The following GAPDHS variants were observed in gnomAD, a reference collection of about 807,000 sequenced individuals.
GAPDHS encodes the protein glyceraldehyde-3-phosphate dehydrogenase, spermatogenic.
GAPDHS carries 42 observed loss-of-function variants against 48.7 expected under a neutral mutation model. That is an observed-to-expected ratio of 0.86 (90% CI 0.67 to 1.12). The LOEUF (loss-of-function observed/expected upper bound fraction) is 1.12. Ranked by LOEUF, GAPDHS falls within the 50% of genes most tolerant of loss-of-function variation. The pLI is 0.00. For synonymous variants in GAPDHS, 166 were observed against 219.1 expected (o/e 0.76, Z 2.14); for missense variants, 512 against 557.7 (o/e 0.92, Z 0.82).
chr19:35,534,273 C>T (rs988122477), intron 1 of GAPDHS, among the ~76,000 whole-genome samples: 3 of 151,812 alleles, frequency 2.0e-5, no homozygotes, highest in African/African-American at 7.2e-5. Context: ...CATTCCCACA[C>T]TGTTCCCTCA....
intron 4 of GAPDHS, among the ~76,000 whole-genome samples, chr19:35,540,195 G>A (rs1424551405): frequency 7.2e-5 from 11 of 152,360 alleles, no homozygotes; most frequent in South Asian, 4.1e-4. Context: ...ACACTTAAAC[G>A]GGCACTTCCC....
intron 4 of GAPDHS, among the ~76,000 whole-genome samples, chr19:35,539,523 T>C (rs536974283): frequency 6.6e-6 from 1 of 152,280 alleles, no homozygotes; most frequent in East Asian, 1.9e-4. Flanking sequence ...CCTGGCTCTG[T>C]GGCTGCCTGG....
At chr19:35,543,941 G>C in intron 9 of GAPDHS, 114 bp downstream of exon 9, 1 of 1,433,590 alleles carries the variant, frequency 7.0e-7, no homozygotes, top group Non-Finnish European at 9.1e-7. Context: ...GGCAGGAAGG[G>C]AGATCTCCCT....
chr19:35,541,534 G>C (rs183592654), intron 4 of GAPDHS: 1 of 151,214 alleles, frequency 6.6e-6, no homozygotes, highest in African/African-American at 2.4e-5. Flanking sequence ...GAAACAGACC[G>C]ACACTGGCCA....
chr19:35,542,103 A>T, intron 4 of GAPDHS: 1 of 576,936 alleles, frequency 1.7e-6, no homozygotes, highest in Non-Finnish European at 3.1e-6. Flanking sequence ...GGGGTGGTGC[A>T]ATCAGCAAAG....
Position 35,542,942 on chromosome 19 carries a change from C to G in GAPDHS, c.660-3C>G. 1 of 1,613,134 alleles carries G rather than the reference C, an allele frequency of 6.2e-7. No homozygotes were observed. The highest frequency in any genetic ancestry group is 8.5e-7 in the Non-Finnish European group (1 of 1,179,034). The stretch of plus-strand genomic sequence containing the variant: ...GTGTCCGTGCACACCTTGGCTGTTT[C>G]AGCAACGCGTCCTGCACCACCAACT... On this transcript the variant is annotated splice_polypyrimidine_tract_variant and splice_region_variant and intron_variant, in intron 6 of 10. Coordinates refer to ENST00000222286, the MANE Select transcript of GAPDHS (RefSeq NM_014364.5).
At chr19:35,544,394 T>G (rs1241364530) in intron 9 of GAPDHS, 1 of 167,066 alleles carries the variant, frequency 6.0e-6, no homozygotes, top group Non-Finnish European at 1.3e-5. Context: ...CTCCTGCAGG[T>G]CCACTTTCCC....
chr19:35,542,767 C>T, intron 6 of GAPDHS, 159 bp downstream of exon 6: 1 of 722,152 alleles, frequency 1.4e-6, no homozygotes, highest in Non-Finnish European at 2.4e-6. Flanking sequence ...GCTTGGGGAG[C>T]CTCCCCAGCT....
intron 7 of GAPDHS, 143 bp downstream of exon 7, chr19:35,543,169 C>T: frequency 2.0e-6 from 2 of 976,652 alleles, no homozygotes; most frequent in Non-Finnish European, 3.2e-6. Context: ...ACTTAAAACA[C>T]TGTGCAACCC....
chr19:35,542,667 A>T, intron 6 of GAPDHS, 59 bp downstream of exon 6: 4 of 1,134,782 alleles, frequency 3.5e-6, no homozygotes, highest in Non-Finnish European at 5.3e-6. Context: ...CGTCCTCCCC[A>T]CCCTCAGCCC....
Position 35,539,766 on chromosome 19 carries a change from T to C in GAPDHS, c.449+1083T>C, listed in dbSNP as rs147548463. Among the ~76,000 whole-genome samples, 579 of 152,086 alleles carry C rather than the reference T, an allele frequency of 3.8e-3. 2 individuals carry two copies. The highest frequency in any genetic ancestry group is 0.013 in the African/African-American group (544 of 41,470). ...GCAGAGACTGGAGAGTCAGTGAAAA[T>C]TGAAGAAAGCTGCTTAACCCAAGTT... is the stretch of plus-strand genomic sequence containing the variant. On this transcript the variant is annotated intron_variant, in intron 4 of 10. Transcript: ENST00000222286.
chr19:35,544,058 T>C, intron 9 of GAPDHS: 1 of 622,122 alleles, frequency 1.6e-6, no homozygotes, highest in Non-Finnish European at 2.5e-6. Context: ...GGAACCTCCC[T>C]CTTCAGCAAG....
chr19:35,543,701 G>A lies in GAPDHS; in HGVS notation c.930G>A (p.Pro310=), dbSNP rs369464387. 189 of 1,614,062 alleles carry A rather than the reference G, an allele frequency of 1.2e-4. No individual in the cohort carries two copies. The highest frequency in any genetic ancestry group is 1.5e-4 in the Non-Finnish European group (179 of 1,179,984). Residue 310 remains proline (P), a synonymous_variant, in exon 9 of 11, where the codon CCG becomes CCA. Transcript: ENST00000222286. ...LTGMAFRVPT[P]DVSVVDLTCR... is the part of the protein sequence containing the mutation. The stretch of plus-strand genomic sequence containing the variant: ...GGATGGCGTTCCGGGTACCAACCCC[G>A]GATGTGTCTGTCGTGGACCTGACCT...
Position 35,545,246 on chromosome 19 carries a change from C to A in GAPDHS, c.*76C>A. 7.8e-7 allele frequency: 1 copy of A among 1,284,104 alleles called. No homozygotes were observed. Among genetic ancestry groups the A allele is most frequent in the Non-Finnish European group, 1.1e-6 (1 of 881,486 alleles). The allele number at this position is 1,284,104 out of a possible 1,614,324, so 79.5% of individuals were successfully genotyped here. A position where few individuals can be genotyped will look rare whatever the true frequency, so the allele number is the denominator to read the frequency against. ...CCTCCCGTTCCAGCATCTGGCTGCC[C>A]GGGGGAGGAAGGACACCCGGGGCGG... On this transcript the variant is annotated 3_prime_UTR_variant, in exon 11 of 11. Coordinates refer to ENST00000222286, the MANE Select transcript of GAPDHS (RefSeq NM_014364.5).
rs1276023455 is a variant in GAPDHS, at chr19:35,542,404, G to A, written c.535G>A (p.Ala179Thr). 2 of 1,600,268 alleles carry A rather than the reference G, an allele frequency of 1.2e-6. No individual in the cohort carries two copies. The highest frequency in any genetic ancestry group is 3.3e-5 in the Admixed American group (2 of 59,776). The change falls in exon 5 of 11, where the codon GCT (alanine) becomes ACT (threonine). Residue 179 changes from alanine to threonine, a missense_variant. By Grantham distance (58) the Ala-to-Thr change is moderately conservative. Coordinates refer to ENST00000222286, the MANE Select transcript of GAPDHS (RefSeq NM_014364.5). ...AGGCGTGTACCTCTCCATACAGGCA[G>A]CTTCGGTAAGCTGGGGAGAGGTGCC... is the stretch of plus-strand genomic sequence containing the variant. Reference protein sequence around the residue: ...STGVYLSIQAASDHISAGAQR... With the variant: ...STGVYLSIQATSDHISAGAQR...
intron 1 of GAPDHS, among the ~76,000 whole-genome samples, chr19:35,534,142 G>A (rs2071449743): frequency 6.6e-6 from 1 of 152,150 alleles, no homozygotes; most frequent in Non-Finnish European, 1.5e-5. Flanking sequence ...GGTTAAGAGA[G>A]GGCAAACTAC....
intron 1 of GAPDHS, among the ~76,000 whole-genome samples, chr19:35,534,913 C>T (rs1169303554): frequency 6.6e-6 from 1 of 151,900 alleles, no homozygotes; most frequent in African/African-American, 2.4e-5. Context: ...CTTGGACTCC[C>T]ACTACCCCCT....
rs1471692290 is a variant in GAPDHS, at chr19:35,543,423, C to G, written c.825C>G (p.His275Gln). Residue 275 changes from histidine (H) to glutamine (Q), a missense_variant, in exon 8 of 11, where the codon CAC becomes CAG. By Grantham distance (24) the His-to-Gln change is conservative. Coordinates refer to ENST00000222286, the MANE Select transcript of GAPDHS (RefSeq NM_014364.5). ...RKAWRDGRGA[H>Q]QNIIPASTGA... ...CCTGGCGAGATGGGCGGGGTGCCCA[C>G]CAGAACATCATCCCAGCCTCCACTG... 3 of 1,610,604 alleles carry G rather than the reference C, an allele frequency of 1.9e-6. No individual in the cohort carries two copies. The Admixed American group carries it at 5.1e-5, about 27-fold the overall frequency.
chr19:35,533,601 G>A lies in GAPDHS; in HGVS notation c.67+7G>A. 5 of 1,607,800 alleles carry A rather than the reference G, an allele frequency of 3.1e-6. No homozygotes were observed. The highest frequency in any genetic ancestry group is 4.2e-6 in the Non-Finnish European group (5 of 1,177,212). On this transcript the variant is annotated splice_region_variant and intron_variant, in intron 1 of 10. Transcript: ENST00000222286. ...CTGCGACAGCCGTGCCCGGGTGAGG[G>A]AGGCAGCGGAGGGCGCGGGGGAGGG...
Sources: gnomAD v4.1 joint callset for allele counts (sites outside exome capture counted in the v4.1 genomes callset) on GRCh38, gnomAD v4.1.1 for gene constraint, MANE v1.5 for transcripts, NCBI Gene and HGNC (gene_info 2026-07-23, HGNC 2026-07-21) for gene names.